Variants in ADAMTS17 observed in about 807,000 individuals in gnomAD.
ADAMTS17 encodes the protein A disintegrin and metalloproteinase with thrombospondin motifs 17.
Under a neutral mutation model 141.5 loss-of-function variants are expected in ADAMTS17, and 113 were observed. The ratio of observed to expected loss-of-function variants is 0.80; its 90% CI spans 0.69 to 0.93. The LOEUF (loss-of-function observed/expected upper bound fraction) is 0.93. Among genes scored for constraint, ADAMTS17 ranks in the 40% least tolerant of loss-of-function variants. The pLI is 0.00. For missense variants in ADAMTS17, 1,659 were observed against 1,517.9 expected (o/e 1.09, Z -1.54); for synonymous variants, 768 against 630.6 (o/e 1.22, Z -3.27).
At chr15:100,128,055 A>G (rs2037835966) in intron 12 of ADAMTS17, among the ~76,000 whole-genome samples, 1 of 152,168 alleles carries the variant, frequency 6.6e-6, no homozygotes, top group African/African-American at 2.4e-5. Flanking sequence ...CAGAAAGGAT[A>G]TAAGAGGAAA....
intron 15 of ADAMTS17, among the ~76,000 whole-genome samples, chr15:100,083,919 TGAA>T (rs1016218228): frequency 6.6e-6 from 1 of 151,944 alleles, no homozygotes; most frequent in Non-Finnish European, 1.5e-5. Flanking sequence ...GTGTGAGCGA[TGAA>T]GAAGACGGGT....
At chr15:100,083,726 T>C (rs2034900519) in intron 15 of ADAMTS17, among the ~76,000 whole-genome samples, 1 of 149,716 alleles carries the variant, frequency 6.7e-6, no homozygotes, top group Non-Finnish European at 1.5e-5. Context: ...TGTGCCCTGA[T>C]CCCCAGGCAG....
chr15:100,334,365 C>T (rs1338378591), intron 2 of ADAMTS17, among the ~76,000 whole-genome samples: 1 of 152,174 alleles, frequency 6.6e-6, no homozygotes, highest in East Asian at 1.9e-4. Flanking sequence ...AATGGAATTC[C>T]CTTTCTTCAG....
At chr15:100,176,958 T>C (rs1013612511) in intron 8 of ADAMTS17, among the ~76,000 whole-genome samples, 1 of 152,268 alleles carries the variant, frequency 6.6e-6, no homozygotes, top group African/African-American at 2.4e-5. Flanking sequence ...CATTCATTTT[T>C]ATTGCTAGGT....
intron 18 of ADAMTS17, 110 bp downstream of exon 18, chr15:100,048,747 A>T: frequency 2.7e-6 from 4 of 1,507,200 alleles, no homozygotes; most frequent in Non-Finnish European, 3.6e-6. Context: ...ACAATAACGG[A>T]ACACAGCATA....
intron 3 of ADAMTS17, among the ~76,000 whole-genome samples, chr15:100,318,521 A>G (rs569385551): frequency 6.0e-4 from 91 of 152,290 alleles, no homozygotes; most frequent in African/African-American, 2.1e-3. Flanking sequence ...TGAAGCAGAG[A>G]GCAGGCCCCT....
chr15:100,249,205 G>T (rs1349699487), intron 7 of ADAMTS17, among the ~76,000 whole-genome samples: 2 of 152,136 alleles, frequency 1.3e-5, no homozygotes, highest in Non-Finnish European at 2.9e-5. Flanking sequence ...GAGAATCAGG[G>T]CCTTGGAAAC....
intron 15 of ADAMTS17, among the ~76,000 whole-genome samples, chr15:100,093,708 C>G (rs1025541652): frequency 6.6e-6 from 1 of 152,096 alleles, no homozygotes; most frequent in Admixed American, 6.6e-5. Context: ...CCACCAGAAC[C>G]TGGGGTCTCA....
At chr15:100,251,840 G>A (rs947107196) in intron 7 of ADAMTS17, among the ~76,000 whole-genome samples, 1 of 152,342 alleles carries the variant, frequency 6.6e-6, no homozygotes, top group African/African-American at 2.4e-5. Flanking sequence ...ACAGGCAGGT[G>A]CGCACACAGA....
chr15:100,091,740 T>C (rs984757791), intron 15 of ADAMTS17, among the ~76,000 whole-genome samples: 9 of 152,214 alleles, frequency 5.9e-5, no homozygotes, highest in African/African-American at 1.7e-4. Context: ...GAGGTAAAAC[T>C]CTGGCTACGT....
chr15:100,092,968 T>A lies in ADAMTS17; in HGVS notation c.2137+3388A>T, dbSNP rs554726112. ...ATGGCAATTTAATGAAATGAAAGCA[T>A]CATACTCAAATTACTAGGTTCAGAT... On this transcript the variant is annotated intron_variant, in intron 15 of 21. Transcript: ENST00000268070. Among the ~76,000 whole-genome samples the A allele has an allele frequency of 2.0e-5, 3 of 152,278 alleles. 1 individual carries two copies. The highest frequency in any genetic ancestry group is 6.5e-5 in the Admixed American group (1 of 15,308).
intron 15 of ADAMTS17, chr15:100,063,617 A>T (rs1471775029): frequency 7.9e-7 from 1 of 1,270,786 alleles, no homozygotes; most frequent in Non-Finnish European, 1.0e-6. Context: ...CCAATTTACC[A>T]GACTGATCAT....
At chr15:100,206,952 G>A (rs550995120) in intron 7 of ADAMTS17, among the ~76,000 whole-genome samples, 41 of 152,312 alleles carry the variant, frequency 2.7e-4, no homozygotes, top group South Asian at 1.7e-3. Flanking sequence ...GATGACAGCC[G>A]GAGCCAGGAA....
chr15:100,324,302 C>T (rs544989156), intron 3 of ADAMTS17, among the ~76,000 whole-genome samples: 11 of 151,938 alleles, frequency 7.2e-5, no homozygotes, highest in Non-Finnish European at 1.2e-4. Context: ...GAGACTCCGT[C>T]TCAAATAAAT....
intron 18 of ADAMTS17, among the ~76,000 whole-genome samples, chr15:100,021,231 G>A (rs1435394504): frequency 6.6e-6 from 1 of 152,172 alleles, no homozygotes; most frequent in Non-Finnish European, 1.5e-5. Flanking sequence ...GGGTGGGTGT[G>A]CGTGTCACAG....
At chr15:100,271,149 G>A (rs2043895467) in intron 4 of ADAMTS17, among the ~76,000 whole-genome samples, 3 of 152,090 alleles carry the variant, frequency 2.0e-5, no homozygotes, top group Non-Finnish European at 4.4e-5. Context: ...GCATCCATCT[G>A]TGGACACTTT....
intron 4 of ADAMTS17, among the ~76,000 whole-genome samples, chr15:100,270,512 TA>T (rs1284236585): frequency 1.3e-5 from 2 of 152,062 alleles, no homozygotes; most frequent in Non-Finnish European, 2.9e-5. Flanking sequence ...ATTAAAAAAG[TA>T]AAGCCAGTGT....
chr15:100,135,016 G>T (rs1166165086), intron 10 of ADAMTS17, among the ~76,000 whole-genome samples: 2 of 152,202 alleles, frequency 1.3e-5, no homozygotes, highest in Non-Finnish European at 2.9e-5. Flanking sequence ...GTGTGGACAT[G>T]TGCTCACAAG....
chr15:100,034,652 T>G (rs1015257366), intron 18 of ADAMTS17, among the ~76,000 whole-genome samples: 2 of 152,198 alleles, frequency 1.3e-5, no homozygotes, highest in Non-Finnish European at 2.9e-5. Context: ...ACTTGCAAAC[T>G]CTTTCCTTTG....
Sources: gnomAD v4.1 joint callset for allele counts (sites outside exome capture counted in the v4.1 genomes callset) on GRCh38, gnomAD v4.1.1 for gene constraint, MANE v1.5 for transcripts, NCBI Gene and HGNC (gene_info 2026-07-23, HGNC 2026-07-21) for gene names.